The following ESRRG variants were observed in gnomAD, a reference collection of about 807,000 sequenced individuals.
The protein encoded by ESRRG is estrogen-related receptor gamma.
ESRRG carries 13 observed loss-of-function variants against 44.0 expected under a neutral mutation model. The ratio of observed to expected loss-of-function variants is 0.30; its 90% CI spans 0.19 to 0.47. The LOEUF (loss-of-function observed/expected upper bound fraction) is 0.47. Among genes scored for constraint, ESRRG ranks in the 20% least tolerant of loss-of-function variants. The pLI is 1.00. For missense variants in ESRRG, 395 were observed against 580.6 expected (o/e 0.68, Z 3.29); for synonymous variants, 215 against 214.6 (o/e 1.00, Z -0.02).
In ESRRG at chr1:216,523,184, G is replaced by A. The variant is rs73106533; in HGVS notation, c.863-3763C>T. ...ATTCCCTGCATATCGCTGACAACTC[G>A]GATCTCTCTTCATCTCTGTCCCAGA... On this transcript the variant is annotated intron_variant, in intron 5 of 6. Transcript: ENST00000408911. Among the ~76,000 whole-genome samples the A allele has an allele frequency of 2.4e-3, 366 of 152,136 alleles. 2 individuals carry two copies. Among genetic ancestry groups the A allele is most frequent in the African/African-American group, 8.4e-3 (347 of 41,508 alleles).
chr1:217,038,232 G>A (rs1251294527), intron 1 of ESRRG, among the ~76,000 whole-genome samples: 1 of 152,188 alleles, frequency 6.6e-6, no homozygotes, highest in African/African-American at 2.4e-5. Flanking sequence ...CCTAGCAGAG[G>A]TTCTCCGTGA....
At chr1:217,028,273 G>T (rs1579729568) in intron 1 of ESRRG, among the ~76,000 whole-genome samples, 1 of 152,278 alleles carries the variant, frequency 6.6e-6, no homozygotes, top group African/African-American at 2.4e-5. Context: ...CTTAAAACAT[G>T]CAAGGAACAA....
intron 5 of ESRRG, among the ~76,000 whole-genome samples, chr1:216,547,401 A>G (rs2054875092): frequency 1.3e-5 from 2 of 152,062 alleles, no homozygotes; most frequent in Non-Finnish European, 1.5e-5. Flanking sequence ...AATTACTGCC[A>G]AATTTTTTCC....
intron 2 of ESRRG, among the ~76,000 whole-genome samples, chr1:216,871,220 C>A (rs868131901): frequency 1.4e-4 from 21 of 151,986 alleles, no homozygotes; most frequent in African/African-American, 5.1e-4. Flanking sequence ...TTTCTAATCC[C>A]CTGAGACTTC....
chr1:216,623,476 C>T (rs541300599), intron 3 of ESRRG, among the ~76,000 whole-genome samples: 1 of 152,162 alleles, frequency 6.6e-6, no homozygotes, highest in African/African-American at 2.4e-5. Flanking sequence ...CCAGAACATA[C>T]CAACATAAAA....
intron 1 of ESRRG, among the ~76,000 whole-genome samples, chr1:217,048,155 C>T (rs936207762): frequency 6.6e-6 from 1 of 152,094 alleles, no homozygotes; most frequent in Non-Finnish European, 1.5e-5. Context: ...GGGTAGCTTC[C>T]CAGTTGTCTC....
intron 1 of ESRRG, among the ~76,000 whole-genome samples, chr1:217,048,573 C>T (rs11117759): frequency 9.9e-5 from 15 of 152,128 alleles, no homozygotes; most frequent in African/African-American, 3.1e-4. Context: ...ACCAGGCCCC[C>T]TTCCACCAAT....
intron 2 of ESRRG, among the ~76,000 whole-genome samples, chr1:216,741,945 C>T (rs989057422): frequency 2.6e-5 from 4 of 152,078 alleles, no homozygotes; most frequent in Non-Finnish European, 4.4e-5. Context: ...GGTCTCTCTC[C>T]CTCTGTTTTT....
chr1:216,788,250 A>G (rs940294903), intron 2 of ESRRG, among the ~76,000 whole-genome samples: 2 of 152,158 alleles, frequency 1.3e-5, no homozygotes, highest in Non-Finnish European at 2.9e-5. Context: ...AGGAGAAGTC[A>G]ATTCCTGACT....
chr1:216,693,715 AC>A (rs1344701337), intron 1 of ESRRG, among the ~76,000 whole-genome samples: 2 of 145,414 alleles, frequency 1.4e-5, no homozygotes, highest in African/African-American at 2.4e-5. Flanking sequence ...ATACAATCAT[AC>A]TTTTTTTCTA....
At chr1:217,128,415 C>T (rs2092918519) in intron 1 of ESRRG, among the ~76,000 whole-genome samples, 2 of 152,164 alleles carry the variant, frequency 1.3e-5, no homozygotes. Context: ...CTCTCAGTAA[C>T]TTTACAAGCA....
At chr1:217,002,945 GATAA>G (rs1306530375) in intron 1 of ESRRG, among the ~76,000 whole-genome samples, 4 of 152,120 alleles carry the variant, frequency 2.6e-5, no homozygotes, top group African/African-American at 9.7e-5. Context: ...CAGAAATCAT[GATAA>G]ATAAAGTCCT....
intron 1 of ESRRG, among the ~76,000 whole-genome samples, chr1:216,981,734 C>CACACACAGCACACACACGCAT (rs1560352184): frequency 3.3e-5 from 5 of 152,062 alleles, no homozygotes; most frequent in Non-Finnish European, 7.4e-5. Context: ...CACATACGCA[C>CACACACAGCACACACACGCAT]GCACACACAG....
At chr1:216,819,523 T>A (rs1000799129) in intron 2 of ESRRG, among the ~76,000 whole-genome samples, 1 of 152,228 alleles carries the variant, frequency 6.6e-6, no homozygotes, top group Non-Finnish European at 1.5e-5. Context: ...CATATAAGCA[T>A]GTCTTTTACG....
chr1:216,586,545 C>T (rs900597723), intron 3 of ESRRG, among the ~76,000 whole-genome samples: 4 of 150,044 alleles, frequency 2.7e-5, no homozygotes, highest in East Asian at 2.0e-4. Context: ...AACTTCTTCT[C>T]ATACAAAGAA....
intron 2 of ESRRG, among the ~76,000 whole-genome samples, chr1:216,919,235 T>C (rs1433058018): frequency 6.6e-6 from 1 of 152,156 alleles, no homozygotes; most frequent in Non-Finnish European, 1.5e-5. Context: ...ATGCTCTTTC[T>C]CCTAGAGCCA....
At chr1:217,100,346 A>G in intron 1 of ESRRG, among the ~76,000 whole-genome samples, 1 of 152,236 alleles carries the variant, frequency 6.6e-6, no homozygotes, top group East Asian at 1.9e-4. Context: ...ATAATAGGTC[A>G]GGGCTGGAAA....
At chr1:216,809,056 G>A (rs1224690919) in intron 2 of ESRRG, among the ~76,000 whole-genome samples, 2 of 152,006 alleles carry the variant, frequency 1.3e-5, no homozygotes, top group African/African-American at 4.8e-5. Flanking sequence ...TTTCGTACAG[G>A]GTGCTACGCT....
At chr1:216,692,988 A>G (rs895060780) in intron 1 of ESRRG, among the ~76,000 whole-genome samples, 1 of 152,218 alleles carries the variant, frequency 6.6e-6, no homozygotes. Flanking sequence ...ATCCTTGTTG[A>G]TAAGTAACAC....
Sources: gnomAD v4.1 joint callset for allele counts (sites outside exome capture counted in the v4.1 genomes callset) on GRCh38, gnomAD v4.1.1 for gene constraint, MANE v1.5 for transcripts, NCBI Gene and HGNC (gene_info 2026-07-23, HGNC 2026-07-21) for gene names.